SNTG1: variants seen among roughly 807,000 people sequenced by gnomAD.
SNTG1 encodes the protein syntrophin gamma 1.
In SNTG1, 39 loss-of-function variants were observed where a neutral mutation model predicts 74.7. That is an observed-to-expected ratio of 0.52 (90% CI 0.40 to 0.68). The LOEUF is 0.68. Ranked by LOEUF, SNTG1 falls within the 30% of genes least tolerant of loss-of-function variation. The pLI, the probability that SNTG1 is intolerant of heterozygous loss-of-function variation, is 0.00. For missense variants in SNTG1, 685 were observed against 609.5 expected (o/e 1.12, Z -1.30); for synonymous variants, 254 against 217.1 (o/e 1.17, Z -1.49).
intron 1 of SNTG1, among the ~76,000 whole-genome samples, chr8:50,164,625 T>C (rs1458927961): frequency 6.6e-6 from 1 of 152,236 alleles, no homozygotes; most frequent in Non-Finnish European, 1.5e-5. Flanking sequence ...CACTTATTTA[T>C]TTGTCCCTTG....
At chr8:50,548,699 A>T (rs1314760499) in intron 11 of SNTG1, among the ~76,000 whole-genome samples, 1 of 152,132 alleles carries the variant, frequency 6.6e-6, no homozygotes, top group Non-Finnish European at 1.5e-5. Flanking sequence ...GCAATAAAGG[A>T]ATCAGGAAGT....
chr8:50,423,807 G>A (rs775344889), intron 4 of SNTG1, among the ~76,000 whole-genome samples: 2 of 152,114 alleles, frequency 1.3e-5, no homozygotes, highest in Non-Finnish European at 1.5e-5. Context: ...GCCAAAAAAT[G>A]TGATGAGATG....
intron 2 of SNTG1, among the ~76,000 whole-genome samples, chr8:50,205,421 T>C (rs1439630933): frequency 6.6e-6 from 1 of 152,218 alleles, no homozygotes; most frequent in Non-Finnish European, 1.5e-5. Flanking sequence ...TGGGGTTGTT[T>C]GATTTTTTTC....
At chr8:50,331,788 G>C (rs989828544) in intron 2 of SNTG1, among the ~76,000 whole-genome samples, 3 of 152,128 alleles carry the variant, frequency 2.0e-5, no homozygotes, top group African/African-American at 4.8e-5. Flanking sequence ...GTGAGTGAGA[G>C]GGAAGATTTC....
intron 2 of SNTG1, among the ~76,000 whole-genome samples, chr8:50,187,008 G>A (rs1203881472): frequency 6.6e-6 from 1 of 151,924 alleles, no homozygotes; most frequent in African/African-American, 2.4e-5. Context: ...GGTTTTTTAT[G>A]GTTTGGGGTT....
chr8:50,115,321 C>G (rs2080769162), intron 1 of SNTG1, among the ~76,000 whole-genome samples: 1 of 151,888 alleles, frequency 6.6e-6, no homozygotes, highest in Admixed American at 6.6e-5. Flanking sequence ...AATCCCAGCA[C>G]TTTGGGAGGC....
intron 1 of SNTG1, among the ~76,000 whole-genome samples, chr8:50,058,565 C>A (rs1052209158): frequency 5.9e-5 from 9 of 152,080 alleles, no homozygotes; most frequent in African/African-American, 2.2e-4. Context: ...AAAGTTTTAA[C>A]TTTGAGGATT....
chr8:50,319,748 T>G (rs1194625920), intron 2 of SNTG1, among the ~76,000 whole-genome samples: 1 of 152,214 alleles, frequency 6.6e-6, no homozygotes, highest in Non-Finnish European at 1.5e-5. Flanking sequence ...ATGTTGAATT[T>G]TATCAAATGC....
intron 18 of SNTG1, among the ~76,000 whole-genome samples, chr8:50,790,264 C>T (rs72645855): frequency 0.097 from 14,746 of 151,894 alleles, 775 homozygotes; most frequent in Middle Eastern, 0.13. Context: ...TTGTTTTTGT[C>T]TGTTTTATTC....
chr8:50,372,114 C>A (rs1022418949), intron 2 of SNTG1, among the ~76,000 whole-genome samples: 10 of 151,908 alleles, frequency 6.6e-5, no homozygotes, highest in African/African-American at 9.7e-5. Flanking sequence ...TTTCTCAACT[C>A]TTTTCATTTT....
chr8:50,556,972 G>T (rs1384209004), intron 12 of SNTG1, among the ~76,000 whole-genome samples: 1 of 152,146 alleles, frequency 6.6e-6, no homozygotes, highest in Non-Finnish European at 1.5e-5. Context: ...ACACAAAGAT[G>T]TCCCAACCAG....
chr8:50,703,798 G>A (rs1008236560), intron 15 of SNTG1, among the ~76,000 whole-genome samples: 6 of 152,008 alleles, frequency 3.9e-5, no homozygotes, highest in Non-Finnish European at 8.8e-5. Context: ...CATTGCTAGG[G>A]GATAGGAATT....
chr8:50,283,910 T>G (rs1279497842), intron 2 of SNTG1, among the ~76,000 whole-genome samples: 1 of 152,162 alleles, frequency 6.6e-6, no homozygotes, highest in Non-Finnish European at 1.5e-5. Context: ...CACAGTATCG[T>G]TTATGATTAA....
intron 12 of SNTG1, among the ~76,000 whole-genome samples, chr8:50,585,033 T>C (rs1273692375): frequency 3.9e-5 from 6 of 152,270 alleles, no homozygotes. Context: ...GGGTCATTCA[T>C]ACAGAATTTT....
chr8:50,629,676 ATTCT>A (rs1345569030), intron 13 of SNTG1, among the ~76,000 whole-genome samples: 1 of 152,126 alleles, frequency 6.6e-6, no homozygotes, highest in African/African-American at 2.4e-5. Flanking sequence ...TTCATAAAAG[ATTCT>A]TTTGCTCTCC....
chr8:50,701,720 T>TC, intron 15 of SNTG1, among the ~76,000 whole-genome samples: 1 of 21,394 alleles, frequency 4.7e-5, no homozygotes, highest in Non-Finnish European at 8.7e-5. Context: ...ATCTTCCTCT[T>TC]TTTCTTCTTC....
intron 2 of SNTG1, among the ~76,000 whole-genome samples, chr8:50,364,504 T>A (rs2092052331): frequency 6.6e-6 from 1 of 152,142 alleles, no homozygotes; most frequent in Non-Finnish European, 1.5e-5. Context: ...AATAGAGAAA[T>A]GGGTGAGAAC....
chr8:50,535,877 A>G (rs535334641), intron 10 of SNTG1, among the ~76,000 whole-genome samples: 3 of 152,318 alleles, frequency 2.0e-5, no homozygotes, highest in South Asian at 4.1e-4. Flanking sequence ...TACTGGTCAA[A>G]TTGAGCTTAC....
At chr8:50,689,799 A>G (rs2095369455) in intron 15 of SNTG1, among the ~76,000 whole-genome samples, 1 of 152,054 alleles carries the variant, frequency 6.6e-6, no homozygotes, top group African/African-American at 2.4e-5. Context: ...TTTTCTATTG[A>G]TTCGGATAGT....
Sources: allele counts gnomAD v4.1 joint callset (sites outside exome capture counted in the v4.1 genomes callset), GRCh38; gene constraint gnomAD v4.1.1; transcripts MANE v1.5; gene names NCBI Gene and HGNC (gene_info 2026-07-23, HGNC 2026-07-21).